LPXN: variants seen among roughly 807,000 people sequenced by gnomAD.
LPXN encodes the protein leupaxin.
In LPXN, 28 loss-of-function variants were observed where a neutral mutation model predicts 45.6. That is an observed-to-expected ratio of 0.61 (90% confidence interval 0.45 to 0.84). The LOEUF (loss-of-function observed/expected upper bound fraction) is 0.84, where lower values mean the gene tolerates loss of function less well. Ranked by LOEUF, LPXN falls within the 40% of genes least tolerant of loss-of-function variation. The pLI is 0.00. For synonymous variants in LPXN, 166 were observed against 169.9 expected, an observed-to-expected ratio of 0.98 and a Z score of 0.18; for missense variants, 459 against 475.0, an observed-to-expected ratio of 0.97 and a Z score of 0.31.
At chr11:58,555,665 C>A (rs1854178237) in intron 3 of LPXN, among the ~76,000 whole-genome samples, 1 of 151,858 alleles carries the variant, frequency 6.6e-6, no homozygotes, top group Non-Finnish European at 1.5e-5. Context: ...TAAGAAAAAA[C>A]AAAGCACTTC....
intron 3 of LPXN, among the ~76,000 whole-genome samples, chr11:58,560,498 T>C (rs1435294525): frequency 6.6e-6 from 1 of 152,208 alleles, no homozygotes; most frequent in African/African-American, 2.4e-5. Flanking sequence ...CACTTAACTA[T>C]GATTGTGTGT....
chr11:58,551,773 T>C (rs1399536494), intron 4 of LPXN, among the ~76,000 whole-genome samples: 1 of 152,098 alleles, frequency 6.6e-6, no homozygotes, highest in Non-Finnish European at 1.5e-5. Flanking sequence ...CACAGCAAGA[T>C]GGTAAGAAGA....
At chr11:58,546,637 T>C (rs1253699376) in intron 7 of LPXN, among the ~76,000 whole-genome samples, 1 of 152,116 alleles carries the variant, frequency 6.6e-6, no homozygotes, top group Non-Finnish European at 1.5e-5. Context: ...CTTACCTGAG[T>C]ACCATATAGT....
chr11:58,578,568 C>T (rs1454952004), upstream of LPXN, among the ~76,000 whole-genome samples: 1 of 152,222 alleles, frequency 6.6e-6, no homozygotes, highest in Non-Finnish European at 1.5e-5. Context: ...AATACTACCC[C>T]CTTCTCCGCG....
intron 2 of LPXN, among the ~76,000 whole-genome samples, chr11:58,567,925 A>G (rs756496406): frequency 5.9e-5 from 9 of 152,234 alleles, no homozygotes; most frequent in Non-Finnish European, 1.0e-4. Flanking sequence ...AACTGCTTTA[A>G]TAAAACAATT....
intron 4 of LPXN, among the ~76,000 whole-genome samples, chr11:58,552,137 G>A (rs1018424569): frequency 6.6e-6 from 1 of 152,140 alleles, no homozygotes; most frequent in Non-Finnish European, 1.5e-5. Flanking sequence ...TAGCTGAGTG[G>A]AGAACTAAGT....
In LPXN at chr11:58,539,002, A is replaced by ACAAC. The variant is rs1555003628; in HGVS notation, c.742+10783_742+10784insGTTG. Reference sequence around the variant, plus strand: ...CTCATGACTTACTTTTCTTTAAAAAAAACAACAACAATGACAGATTCTATC... The same window carrying ACAAC: ...CTCATGACTTACTTTTCTTTAAAAAACAACAACAACAACAATGACAGATTCTATC... On this transcript the variant is annotated intron_variant, in intron 7 of 8. Transcript: ENST00000395074. Among the ~76,000 whole-genome samples the ACAAC allele has an allele frequency of 6.5e-4, 99 of 151,948 alleles. No homozygotes were observed. The Middle Eastern group carries it at 0.01, about 16-fold the overall frequency.
Position 58,549,779 on chromosome 11 carries a change from G to T in LPXN, c.742+7C>A, listed in dbSNP as rs1408205578. On this transcript the variant is annotated splice_region_variant and intron_variant, in intron 7 of 8. Transcript: ENST00000395074. ...TGTGGGATACAGCCTCTCAAGTCGG[G>T]TCATACCTTCTGCACCAAACACCTC... is the stretch of plus-strand genomic sequence containing the variant. The T allele has an allele frequency of 1.2e-6, 2 of 1,613,734 alleles. No homozygotes were observed. The highest frequency in any genetic ancestry group is 2.7e-5 in the African/African-American group (2 of 74,896).
intron 7 of LPXN, among the ~76,000 whole-genome samples, chr11:58,546,343 C>T (rs1853875282): frequency 6.6e-6 from 1 of 151,980 alleles, no homozygotes; most frequent in Non-Finnish European, 1.5e-5. Flanking sequence ...AAGTTAGATG[C>T]CTTATCTTAC....
intron 7 of LPXN, among the ~76,000 whole-genome samples, chr11:58,548,272 A>G (rs1853934735): frequency 1.3e-5 from 2 of 152,178 alleles, no homozygotes; most frequent in Non-Finnish European, 2.9e-5. Context: ...TATAAAACAT[A>G]GACATGGGAC....
rs1003285280 is a variant in LPXN at position 58,549,316 on chromosome 11, C to T, written c.742+470G>A. ...GGCTGAGGCAGGAGAATCGCTTGAACCCAGGAGGTGGAGGTTGCAGTGGGC... is the reference window on the plus strand; with the variant it reads ...GGCTGAGGCAGGAGAATCGCTTGAATCCAGGAGGTGGAGGTTGCAGTGGGC... On this transcript the variant is annotated intron_variant, in intron 7 of 8. Transcript: ENST00000395074. Among the ~76,000 whole-genome samples the T allele has an allele frequency of 3.9e-5, 6 of 152,142 alleles. No homozygotes were observed. In the South Asian group the frequency reaches 1.2e-3, roughly 32 times the overall value.
intron 7 of LPXN, among the ~76,000 whole-genome samples, chr11:58,535,706 C>T (rs1452149944): frequency 1.3e-5 from 2 of 152,108 alleles, no homozygotes; most frequent in Non-Finnish European, 2.9e-5. Context: ...AGGGTACTCA[C>T]ATAGGAAAAG....
intron 1 of LPXN, among the ~76,000 whole-genome samples, chr11:58,575,237 G>A (rs1240555225): frequency 1.3e-5 from 2 of 152,170 alleles, no homozygotes; most frequent in Admixed American, 1.3e-4. Flanking sequence ...GAGTTAGAGT[G>A]CTATGCCTTC....
intron 7 of LPXN, among the ~76,000 whole-genome samples, chr11:58,532,153 C>T (rs925132758): frequency 2.0e-5 from 3 of 152,348 alleles, no homozygotes; most frequent in East Asian, 1.9e-4. Flanking sequence ...GTGTCATGCT[C>T]GAATTCTTGC....
At chr11:58,536,900 T>TG (rs971332956) in intron 7 of LPXN, among the ~76,000 whole-genome samples, 2 of 149,822 alleles carry the variant, frequency 1.3e-5, no homozygotes, top group African/African-American at 4.9e-5. Context: ...AATAAACATA[T>TG]GAAAAAAAAA....
Position 58,575,819 on chromosome 11 carries a change from C to T in LPXN, c.-47G>A. On this transcript the variant is annotated 5_prime_UTR_variant, in exon 1 of 9. Transcript: ENST00000395074. The stretch of plus-strand genomic sequence containing the variant: ...TTGTCTCACAGGCCGTGAGGAACAG[C>T]TTTGGCATGTGCTGAAGAAGAGGAC... 6.2e-7 allele frequency: 1 copy of T among 1,614,148 alleles called. No homozygotes were observed. Among genetic ancestry groups the T allele is most frequent in the Non-Finnish European group, 8.5e-7 (1 of 1,180,010 alleles).
chr11:58,535,389 T>C (rs1476792501), intron 7 of LPXN, among the ~76,000 whole-genome samples: 1 of 152,120 alleles, frequency 6.6e-6, no homozygotes, highest in East Asian at 1.9e-4. Context: ...ATAAACATAA[T>C]CCATCTCATA....
chr11:58,539,359 A>G (rs1192743624), intron 7 of LPXN, among the ~76,000 whole-genome samples: 2 of 152,216 alleles, frequency 1.3e-5, no homozygotes, highest in African/African-American at 4.8e-5. Flanking sequence ...TGTCCACTGA[A>G]AAACCTAGAA....
At chr11:58,571,812 T>C (rs118135991) in intron 1 of LPXN, among the ~76,000 whole-genome samples, 2,671 of 152,322 alleles carry the variant, frequency 0.018, 48 homozygotes, top group Middle Eastern at 0.027. Context: ...AGGCAGATGA[T>C]ATTATTGTCC....
Sources: allele counts gnomAD v4.1 joint callset (sites outside exome capture counted in the v4.1 genomes callset), GRCh38; gene constraint gnomAD v4.1.1; transcripts MANE v1.5; gene names NCBI Gene and HGNC (gene_info 2026-07-23, HGNC 2026-07-21).